The following CDKL1 variants were observed in gnomAD, a reference collection of about 807,000 sequenced individuals.
CDKL1 encodes cyclin-dependent kinase-like 1.
A neutral mutation model predicts 42.0 loss-of-function variants in CDKL1; 41 were observed. That is an observed-to-expected ratio of 0.98 (90% CI 0.76 to 1.27). The LOEUF is 1.27. CDKL1 is among the 50% of genes most tolerant of loss of function. The pLI, the probability that CDKL1 is intolerant of heterozygous loss-of-function variation, is 0.00. For missense variants in CDKL1, 394 were observed against 428.4 expected (o/e 0.92, Z 0.71); for synonymous variants, 153 against 158.6 (o/e 0.96, Z 0.26).
chr14:50,374,959 G>GAGAGCAT (rs2034688997), intron 2 of CDKL1, among the ~76,000 whole-genome samples: 1 of 152,138 alleles, frequency 6.6e-6, no homozygotes, highest in Admixed American at 6.5e-5. Flanking sequence ...CAAGAGGAGG[G>GAGAGCAT]AGAGCATTAG....
intron 3 of CDKL1, among the ~76,000 whole-genome samples, chr14:50,353,186 GT>G (rs113485770): frequency 0.025 from 3,848 of 152,206 alleles, 168 homozygotes; most frequent in African/African-American, 0.086. Flanking sequence ...GTCTCTCCAA[GT>G]TTTTAGGGGA....
At chr14:50,386,835 G>C (rs1313741275) in intron 2 of CDKL1, among the ~76,000 whole-genome samples, 2 of 151,278 alleles carry the variant, frequency 1.3e-5, no homozygotes, top group Non-Finnish European at 1.5e-5. Flanking sequence ...CCGAGGTCAG[G>C]AGTTTGAGAC....
At chr14:50,386,790 G>A (rs1033844518) in intron 2 of CDKL1, among the ~76,000 whole-genome samples, 2 of 151,934 alleles carry the variant, frequency 1.3e-5, no homozygotes, top group African/African-American at 4.8e-5. Flanking sequence ...GCTGGGCGCA[G>A]TGGCTCATGT....
chr14:50,352,491 C>T (rs2033931928), intron 3 of CDKL1, among the ~76,000 whole-genome samples: 1 of 152,016 alleles, frequency 6.6e-6, no homozygotes, highest in Non-Finnish European at 1.5e-5. Context: ...GAATCATTAT[C>T]AAACCAAACA....
chr14:50,394,150 G>A (rs1011936228), intron 2 of CDKL1, among the ~76,000 whole-genome samples: 1 of 152,208 alleles, frequency 6.6e-6, no homozygotes, highest in Non-Finnish European at 1.5e-5. Context: ...CTTTCTGCAA[G>A]AAACAGATTT....
At chr14:50,393,832 C>T (rs1439861842) in intron 2 of CDKL1, among the ~76,000 whole-genome samples, 1 of 152,192 alleles carries the variant, frequency 6.6e-6, no homozygotes, top group East Asian at 1.9e-4. Flanking sequence ...ACAACCCCAT[C>T]CTTTGGAGGA....
chr14:50,336,803 AAG>A (rs1251147526), intron 7 of CDKL1, among the ~76,000 whole-genome samples: 1 of 152,100 alleles, frequency 6.6e-6, no homozygotes, highest in African/African-American at 2.4e-5. Flanking sequence ...TCCCACCCAA[AAG>A]AGATATCCAC....
chr14:50,352,624 AG>A (rs112491586), intron 3 of CDKL1, among the ~76,000 whole-genome samples: 3,847 of 152,292 alleles, frequency 0.025, 167 homozygotes, highest in African/African-American at 0.086. Context: ...GAAAATACAT[AG>A]AAAAGAATAT....
Position 50,341,118 on chromosome 14 carries a change from C to A in CDKL1, c.569G>T (p.Cys190Phe). ...TCCTGACAGCAGCTCAGCAAAGACA[C>A]AGCCAATTGCCCAAACATCCACCGG... ...GPPVDVWAIG[C>F]VFAELLSGVP... The change falls in exon 6 of 10, where the codon TGT becomes TTT. Residue 190 changes from cysteine (C) to phenylalanine (F), a missense_variant. Transcript: ENST00000395834. 6.2e-7 allele frequency: 1 copy of A among 1,614,212 alleles called. No individual in the cohort carries two copies. The highest frequency in any genetic ancestry group is 8.5e-7 in the Non-Finnish European group (1 of 1,180,044).
chr14:50,380,170 C>T (rs773987001), intron 2 of CDKL1: 56 of 531,648 alleles, frequency 1.1e-4, no homozygotes, highest in South Asian at 7.0e-4. Context: ...AACACAAGCT[C>T]CTGAAACTGC....
chr14:50,385,253 A>G (rs1262386712), intron 2 of CDKL1, among the ~76,000 whole-genome samples: 1 of 152,178 alleles, frequency 6.6e-6, no homozygotes, highest in Non-Finnish European at 1.5e-5. Context: ...TAAAACTGAT[A>G]GTACCAATTA....
Position 50,327,200 on chromosome 14 carries a change from T to C in CDKL1, c.*2874A>G, listed in dbSNP as rs577383734. On this transcript the variant is annotated 3_prime_UTR_variant, in exon 10 of 10. Transcript: ENST00000395834. The stretch of plus-strand genomic sequence containing the variant: ...AAAAATAAAAAATAGCTGGGTGTAG[T>C]GGCACATGCCTGTAGTCCCAACTAC... The C allele has an allele frequency of 2.7e-4, 41 of 152,054 alleles. 1 individual carries two copies. Among genetic ancestry groups the C allele is most frequent in the Admixed American group, 2.4e-3 (36 of 15,280 alleles). The allele number at this position is 152,054 out of a possible 1,614,324, so 9.4% of individuals were successfully genotyped here.
At chr14:50,335,417 CTG>C (rs1394956289) in intron 7 of CDKL1, 3 of 1,414,508 alleles carry the variant, frequency 2.1e-6, no homozygotes, top group African/African-American at 1.4e-5. Context: ...GGAATAAACA[CTG>C]TTGTCTCCTC....
rs368170212 is a variant in CDKL1, at chr14:50,380,802, C to CTTTGTTTTTTTTTTTTTT, written c.168+14898_168+14899insAAAAAAAAAAAAAACAAA. On this transcript the variant is annotated intron_variant, in intron 2 of 9. Transcript: ENST00000395834. The stretch of plus-strand genomic sequence containing the variant: ...ATGGCCTGGGGCATGCTGTGACTTC[C>CTTTGTTTTTTTTTTTTTT]TTTTTTTTTTGGGACAGAGCCTTGT... 9.6e-4 allele frequency among the ~76,000 whole-genome samples: 129 copies of CTTTGTTTTTTTTTTTTTT among 134,556 alleles called. 9 individuals are homozygous for CTTTGTTTTTTTTTTTTTT. The highest frequency in any genetic ancestry group is 1.4e-3 in the East Asian group (6 of 4,174). 88.3% of individuals were successfully genotyped at this position (134,556 alleles called of 152,430 possible).
At chr14:50,334,701 A>G in intron 7 of CDKL1, 80 bp from the exon 8 acceptor site, 1 of 924,362 alleles carries the variant, frequency 1.1e-6, no homozygotes, top group South Asian at 1.3e-5. Flanking sequence ...TTTGATAGAA[A>G]CATTTTCCTG....
At chr14:50,369,611 C>CAA (rs1491059965) in intron 2 of CDKL1, among the ~76,000 whole-genome samples, 1 of 18,080 alleles carries the variant, frequency 5.5e-5, no homozygotes, top group Non-Finnish European at 1.1e-4. Flanking sequence ...CACACATGCA[C>CAA]ACACACACAC....
intron 6 of CDKL1, 57 bp downstream of exon 6, chr14:50,340,975 G>T: frequency 6.3e-7 from 1 of 1,583,828 alleles, no homozygotes; most frequent in East Asian, 2.3e-5. Context: ...GCTCTGCCCT[G>T]CCCCAACCTG....
chr14:50,362,956 C>T (rs776543911), intron 2 of CDKL1: 3 of 464,494 alleles, frequency 6.5e-6, no homozygotes, highest in African/African-American at 4.0e-5. Context: ...TGCTGCTGCT[C>T]ACGCTTTGGG....
At chr14:50,355,190 A>C (rs527330168) in intron 3 of CDKL1, among the ~76,000 whole-genome samples, 1 of 152,250 alleles carries the variant, frequency 6.6e-6, no homozygotes, top group South Asian at 2.1e-4. Context: ...TTACGTAACT[A>C]ATTATCTATT....
Sources: gnomAD v4.1 joint callset for allele counts (sites outside exome capture counted in the v4.1 genomes callset) on GRCh38, gnomAD v4.1.1 for gene constraint, MANE v1.5 for transcripts, NCBI Gene and HGNC (gene_info 2026-07-23, HGNC 2026-07-21) for gene names.